Variants in TSNARE1 observed in about 807,000 individuals in gnomAD.
TSNARE1 encodes the protein t-SNARE domain containing 1, also known as t-SNARE domain-containing protein 1.
Under a neutral mutation model 62.0 loss-of-function variants are expected in TSNARE1, and 49 were observed. That is an observed-to-expected ratio of 0.79 (90% CI 0.63 to 1.00). The LOEUF is 1.00. Ranked by LOEUF, TSNARE1 falls within the 50% of genes least tolerant of loss-of-function variation. TSNARE1 has a pLI of 0.00. For missense variants in TSNARE1, 755 were observed against 700.1 expected, an observed-to-expected ratio of 1.08 and a Z score of -0.88; for synonymous variants, 328 against 294.4, an observed-to-expected ratio of 1.11 and a Z score of -1.17.
At chr8:142,234,016 G>A (rs919424948) in intron 12 of TSNARE1, among the ~76,000 whole-genome samples, 4 of 152,246 alleles carry the variant, frequency 2.6e-5, no homozygotes, top group African/African-American at 4.8e-5. Flanking sequence ...CATCCTGAAT[G>A]TGGCAGGTGC....
intron 12 of TSNARE1, chr8:142,270,612 C>T: frequency 1.0e-6 from 1 of 985,338 alleles, no homozygotes; most frequent in Non-Finnish European, 1.2e-6. Flanking sequence ...TCCAAGTGTG[C>T]ATGCCCACCA....
rs117687426 is a variant in TSNARE1, at chr8:142,246,102, T to C, written c.1447-16523A>G. Among the ~76,000 whole-genome samples, 82 of 152,254 alleles carry C rather than the reference T, an allele frequency of 5.4e-4. 1 individual carries two copies. Among genetic ancestry groups the C allele is most frequent in the South Asian group, 3.3e-3 (16 of 4,820 alleles). ...ACTTCCCAGCAGGAGAGTTCCCCAC[T>C]CTTCGGTTCCACAGCCCCCGTCCCA... On this transcript the variant is annotated intron_variant, in intron 12 of 13. Transcript: ENST00000524325.
chr8:142,328,675 T>C (rs1416882857), intron 6 of TSNARE1, among the ~76,000 whole-genome samples: 2 of 152,122 alleles, frequency 1.3e-5, no homozygotes, highest in East Asian at 3.9e-4. Context: ...CCACACACCA[T>C]CTCCAGATCG....
chr8:142,235,215 A>G (rs1194969533), intron 12 of TSNARE1, among the ~76,000 whole-genome samples: 1 of 151,784 alleles, frequency 6.6e-6, no homozygotes, highest in African/African-American at 2.4e-5. Flanking sequence ...GCCCCAGAGA[A>G]GGACGTGACT....
At chr8:142,368,183 A>G (rs928511402) in intron 1 of TSNARE1, among the ~76,000 whole-genome samples, 2 of 152,190 alleles carry the variant, frequency 1.3e-5, no homozygotes, top group Non-Finnish European at 2.9e-5. Flanking sequence ...ACAAGCAGGG[A>G]GAAAAGATTT....
intron 10 of TSNARE1, among the ~76,000 whole-genome samples, chr8:142,286,681 C>T (rs148741779): frequency 8.6e-4 from 131 of 152,316 alleles, no homozygotes; most frequent in Non-Finnish European, 8.5e-4. Context: ...CAAGCCTAGG[C>T]TCCATCCTAC....
chr8:142,368,722 C>T (rs911530660), intron 1 of TSNARE1, among the ~76,000 whole-genome samples: 3 of 152,154 alleles, frequency 2.0e-5, no homozygotes, highest in Non-Finnish European at 2.9e-5. Flanking sequence ...TGCCAGCAGA[C>T]GGCAGACGGG....
At chr8:142,397,838 C>T (rs900163865) in intron 1 of TSNARE1, among the ~76,000 whole-genome samples, 8 of 152,144 alleles carry the variant, frequency 5.3e-5, no homozygotes, top group African/African-American at 1.9e-4. Flanking sequence ...CCACAAGGCA[C>T]CCAGCACACA....
chr8:142,382,637 C>A (rs545350271), intron 1 of TSNARE1, among the ~76,000 whole-genome samples: 1 of 152,302 alleles, frequency 6.6e-6, no homozygotes, highest in South Asian at 2.1e-4. Context: ...GAGCCACCCA[C>A]TGTCACCTTC....
At chr8:142,274,034 G>A (rs1002102326) in intron 12 of TSNARE1, 67 of 985,116 alleles carry the variant, frequency 6.8e-5, no homozygotes, top group Middle Eastern at 5.2e-4. Context: ...AGCTGGCCCA[G>A]GGGCTTCTTC....
chr8:142,339,958 T>C (rs1029292329), intron 4 of TSNARE1, among the ~76,000 whole-genome samples: 11 of 152,182 alleles, frequency 7.2e-5, no homozygotes, highest in Admixed American at 2.0e-4. Flanking sequence ...CTGAGAGGGC[T>C]AGAGGCACTT....
chr8:142,273,613 G>A (rs1819955008), intron 12 of TSNARE1: 1 of 985,280 alleles, frequency 1.0e-6, no homozygotes, highest in African/African-American at 1.7e-5. Context: ...GACCCTTGGT[G>A]ACCTGAACCT....
At chr8:142,386,171 C>G (rs932907297) in intron 1 of TSNARE1, among the ~76,000 whole-genome samples, 1 of 152,192 alleles carries the variant, frequency 6.6e-6, no homozygotes, top group Non-Finnish European at 1.5e-5. Context: ...GATCCATACC[C>G]TTTAATCACA....
rs1586803972 is a variant in TSNARE1, at chr8:142,233,434, G to A, written c.1447-3855C>T. Among the ~76,000 whole-genome samples the A allele has an allele frequency of 3.3e-5, 5 of 152,270 alleles. No homozygotes were observed. The South Asian group carries it at 1.0e-3, about 32-fold the overall frequency. ...AAGCCTTGAGAACTGCCTGGGGCACGGTTCTACCCTGCCTCAGTGTCAGAG... is the reference window on the plus strand; with the variant it reads ...AAGCCTTGAGAACTGCCTGGGGCACAGTTCTACCCTGCCTCAGTGTCAGAG... On this transcript the variant is annotated intron_variant, in intron 12 of 13. Coordinates refer to ENST00000524325, the MANE Select transcript of TSNARE1 (RefSeq NM_145003.5).
At chr8:142,379,331 G>A (rs1408231474) in intron 1 of TSNARE1, among the ~76,000 whole-genome samples, 2 of 152,102 alleles carry the variant, frequency 1.3e-5, no homozygotes, top group African/African-American at 2.4e-5. Flanking sequence ...CCCCAACCTC[G>A]CCCTCCCAGT....
In TSNARE1 at chr8:142,331,750, T is replaced by C; in HGVS notation, c.823+4A>G. On this transcript the variant is annotated splice_donor_region_variant and intron_variant, in intron 5 of 13. Coordinates refer to ENST00000524325, the MANE Select transcript of TSNARE1 (RefSeq NM_145003.5). Reference sequence around the variant, plus strand: ...GGGCAGGCCCAGGCCAGACGCACACTCACCACTGGAGTTGATTCGGAAGAC... The same window carrying C: ...GGGCAGGCCCAGGCCAGACGCACACCCACCACTGGAGTTGATTCGGAAGAC... 1 of 1,593,432 alleles carries C rather than the reference T, an allele frequency of 6.3e-7. No homozygotes were observed. The highest frequency in any genetic ancestry group is 2.3e-5 in the East Asian group (1 of 43,418).
At chr8:142,398,668 T>C (rs1838071556) in intron 1 of TSNARE1, among the ~76,000 whole-genome samples, 1 of 152,154 alleles carries the variant, frequency 6.6e-6, no homozygotes, top group Non-Finnish European at 1.5e-5. Context: ...ACTGTGTCCA[T>C]CCCAAGACTC....
At chr8:142,249,276 G>A (rs1365048862) in intron 12 of TSNARE1, among the ~76,000 whole-genome samples, 6 of 152,238 alleles carry the variant, frequency 3.9e-5, no homozygotes, top group Admixed American at 6.5e-5. Flanking sequence ...TGTGCCAGGC[G>A]GCTTCTCTCC....
intron 4 of TSNARE1, 97 bp from the exon 5 acceptor site, chr8:142,331,928 A>G: frequency 8.1e-7 from 1 of 1,238,118 alleles, no homozygotes. Context: ...AGGGGCAGGG[A>G]CCCGACAGGC....
Sources: allele counts gnomAD v4.1 joint callset (sites outside exome capture counted in the v4.1 genomes callset), GRCh38; gene constraint gnomAD v4.1.1; transcripts MANE v1.5; gene names NCBI Gene and HGNC (gene_info 2026-07-23, HGNC 2026-07-21).